Variants in TMEM132D observed in about 807,000 individuals in gnomAD.
The protein encoded by TMEM132D is mature OL transmembrane protein.
A neutral mutation model predicts 62.3 loss-of-function variants in TMEM132D; 21 were observed. The ratio of observed to expected loss-of-function variants is 0.34; its 90% CI spans 0.24 to 0.49. The LOEUF (loss-of-function observed/expected upper bound fraction) is 0.49. Ranked by LOEUF, TMEM132D falls within the 20% of genes least tolerant of loss-of-function variation. TMEM132D has a pLI of 0.99. For missense variants in TMEM132D, 1,346 were observed against 1,402.8 expected, an observed-to-expected ratio of 0.96 and a Z score of 0.65; for synonymous variants, 621 against 575.6, an observed-to-expected ratio of 1.08 and a Z score of -1.13.
chr12:129,405,808 T>C (rs1226468301), intron 3 of TMEM132D, among the ~76,000 whole-genome samples: 1 of 152,156 alleles, frequency 6.6e-6, no homozygotes, highest in Non-Finnish European at 1.5e-5. Flanking sequence ...CGTTCATTAC[T>C]ATAATATTTA....
intron 3 of TMEM132D, among the ~76,000 whole-genome samples, chr12:129,455,572 G>A (rs1873438499): frequency 6.6e-6 from 1 of 152,216 alleles, no homozygotes; most frequent in Admixed American, 6.5e-5. Flanking sequence ...AGGAGCTGGG[G>A]AAGGCTTCTA....
At chr12:129,390,184 G>A (rs1029762203) in intron 3 of TMEM132D, among the ~76,000 whole-genome samples, 4 of 152,228 alleles carry the variant, frequency 2.6e-5, no homozygotes, top group African/African-American at 9.6e-5. Flanking sequence ...ACCAGTGGCT[G>A]ACTGACCTTG....
intron 1 of TMEM132D, among the ~76,000 whole-genome samples, chr12:129,797,813 G>A (rs1871611435): frequency 6.6e-6 from 1 of 152,114 alleles, no homozygotes; most frequent in Non-Finnish European, 1.5e-5. Context: ...AACACTTAGT[G>A]TGTAAATGAA....
At chr12:129,267,115 G>C (rs1880717820) in intron 4 of TMEM132D, among the ~76,000 whole-genome samples, 1 of 152,088 alleles carries the variant, frequency 6.6e-6, no homozygotes, top group Non-Finnish European at 1.5e-5. Context: ...TTATACTCCA[G>C]CCACACTGGC....
rs71451324 is a variant in TMEM132D, at chr12:129,634,473, CA to C, written c.968+65336del. Among the ~76,000 whole-genome samples the C allele has an allele frequency of 7.4e-3, 963 of 129,442 alleles. 1 individual carries two copies. Among genetic ancestry groups the C allele is most frequent in the South Asian group, 0.016 (60 of 3,830 alleles). 84.9% of individuals were successfully genotyped at this position (129,442 alleles called of 152,430 possible). A position where few individuals can be genotyped will look rare whatever the true frequency, so the allele number is the denominator to read the frequency against. ...TATGTGAAAGAGTGAAACCTTGTCT[CA>C]AAAAAAAAAAAAAAAATGAAATTTT... is the stretch of plus-strand genomic sequence containing the variant. On this transcript the variant is annotated intron_variant, in intron 2 of 8. Transcript: ENST00000422113.
intron 4 of TMEM132D, among the ~76,000 whole-genome samples, chr12:129,328,186 T>TG (rs1566034963): frequency 6.6e-6 from 1 of 152,242 alleles, no homozygotes; most frequent in South Asian, 2.1e-4. Context: ...CATGATACCC[T>TG]GTTCTATTTT....
At chr12:129,177,311 A>T (rs1482433091) in intron 5 of TMEM132D, among the ~76,000 whole-genome samples, 1 of 152,194 alleles carries the variant, frequency 6.6e-6, no homozygotes, top group African/African-American at 2.4e-5. Flanking sequence ...AAACAAACAA[A>T]AACCCAGCTC....
chr12:129,408,311 T>C (rs1002754461), intron 3 of TMEM132D, among the ~76,000 whole-genome samples: 3 of 152,250 alleles, frequency 2.0e-5, no homozygotes, highest in Non-Finnish European at 4.4e-5. Flanking sequence ...ATTATTTTGT[T>C]ATTTTTCTGA....
chr12:129,691,725 ACATAC>A (rs1346343026), intron 2 of TMEM132D, among the ~76,000 whole-genome samples: 8 of 152,134 alleles, frequency 5.3e-5, no homozygotes, highest in African/African-American at 1.9e-4. Flanking sequence ...TTTTACCCAT[ACATAC>A]AACTATAATC....
At chr12:129,317,398 T>C (rs576272378) in intron 4 of TMEM132D, among the ~76,000 whole-genome samples, 15 of 152,300 alleles carry the variant, frequency 9.8e-5, no homozygotes, top group Admixed American at 9.1e-4. Flanking sequence ...CCTTCATATA[T>C]GGTGCTTAGT....
intron 2 of TMEM132D, among the ~76,000 whole-genome samples, chr12:129,605,393 A>G (rs1459268241): frequency 6.6e-6 from 1 of 151,918 alleles, no homozygotes; most frequent in Non-Finnish European, 1.5e-5. Context: ...ACCCTACTTT[A>G]AATCTCTCAC....
intron 1 of TMEM132D, among the ~76,000 whole-genome samples, chr12:129,841,661 C>A (rs1400607183): frequency 2.0e-5 from 3 of 152,078 alleles, no homozygotes; most frequent in African/African-American, 7.2e-5. Context: ...TTTTGCCAAG[C>A]GAGAGGCACA....
chr12:129,752,603 G>A (rs139124848), intron 1 of TMEM132D, among the ~76,000 whole-genome samples: 209 of 152,288 alleles, frequency 1.4e-3, no homozygotes, highest in African/African-American at 4.7e-3. Flanking sequence ...CTGTCTAGCC[G>A]CATGCAAGAG....
intron 3 of TMEM132D, among the ~76,000 whole-genome samples, chr12:129,372,238 C>G (rs1168141418): frequency 6.6e-6 from 1 of 152,222 alleles, no homozygotes; most frequent in Non-Finnish European, 1.5e-5. Context: ...AGATTTCTGA[C>G]TCTAGAACTG....
At chr12:129,120,779 C>A (rs777462523) in intron 5 of TMEM132D, among the ~76,000 whole-genome samples, 2 of 152,090 alleles carry the variant, frequency 1.3e-5, no homozygotes, top group South Asian at 4.1e-4. Flanking sequence ...TACACATAAA[C>A]GGTCTGTACA....
intron 1 of TMEM132D, among the ~76,000 whole-genome samples, chr12:129,728,817 C>T (rs1165235532): frequency 1.3e-5 from 2 of 152,138 alleles, no homozygotes; most frequent in African/African-American, 2.4e-5. Context: ...CTCAGTGCTT[C>T]GGAAGAAACC....
intron 5 of TMEM132D, among the ~76,000 whole-genome samples, chr12:129,123,372 A>C (rs1393092710): frequency 1.3e-5 from 2 of 151,864 alleles, no homozygotes; most frequent in Non-Finnish European, 2.9e-5. Flanking sequence ...TTCCGTGTAC[A>C]TAATTTTGTG....
At chr12:129,345,069 A>G (rs535947324) in intron 3 of TMEM132D, among the ~76,000 whole-genome samples, 1 of 152,220 alleles carries the variant, frequency 6.6e-6, no homozygotes, top group South Asian at 2.1e-4. Context: ...GATTTGGGCA[A>G]ACTGGCTTTG....
chr12:129,842,031 C>T (rs1873209451), intron 1 of TMEM132D, among the ~76,000 whole-genome samples: 4 of 149,878 alleles, frequency 2.7e-5, no homozygotes, highest in Non-Finnish European at 4.4e-5. Flanking sequence ...CCTGGTTTCA[C>T]GCCATTCTCC....
Sources: allele counts gnomAD v4.1 joint callset (sites outside exome capture counted in the v4.1 genomes callset), GRCh38; gene constraint gnomAD v4.1.1; transcripts MANE v1.5; gene names NCBI Gene and HGNC (gene_info 2026-07-23, HGNC 2026-07-21).